IDE: variants seen among roughly 807,000 people sequenced by gnomAD.
The protein encoded by IDE is insulin-degrading enzyme.
IDE carries 58 observed loss-of-function variants against 133.2 expected under a neutral mutation model. The observed-to-expected ratio is 0.44, with a 90% CI of 0.35 to 0.54. IDE has a LOEUF of 0.54. Among genes scored for constraint, IDE ranks in the 20% least tolerant of loss-of-function variants. The pLI is 0.00. For synonymous variants in IDE, 396 were observed against 421.3 expected, an observed-to-expected ratio of 0.94 and a Z score of 0.73; for missense variants, 981 against 1,234.0, an observed-to-expected ratio of 0.79 and a Z score of 3.07.
intron 17 of IDE, among the ~76,000 whole-genome samples, chr10:92,473,722 T>C (rs1291361437): frequency 1.3e-5 from 2 of 152,084 alleles, no homozygotes; most frequent in East Asian, 3.9e-4. Context: ...GGCTCATGCC[T>C]GTAATCCCAG....
chr10:92,550,564 T>C (rs1842731363), intron 1 of IDE, among the ~76,000 whole-genome samples: 1 of 146,444 alleles, frequency 6.8e-6, no homozygotes, highest in Non-Finnish European at 1.5e-5. Context: ...GACAGGAGAA[T>C]GGTGTGAACC....
chr10:92,485,143 T>G (rs76470720), intron 13 of IDE, among the ~76,000 whole-genome samples: 1 of 146,238 alleles, frequency 6.8e-6, no homozygotes, highest in African/African-American at 2.5e-5. Context: ...TTTTTTTTTT[T>G]TGTGACAGAG....
At chr10:92,533,408 C>A (rs1850050634) in intron 3 of IDE, among the ~76,000 whole-genome samples, 1 of 152,122 alleles carries the variant, frequency 6.6e-6, no homozygotes, top group African/African-American at 2.4e-5. Context: ...TGGCCCAGCA[C>A]ATCTCATAAA....
chr10:92,469,897 C>A (rs1365841847), intron 18 of IDE, among the ~76,000 whole-genome samples: 1 of 152,126 alleles, frequency 6.6e-6, no homozygotes, highest in Admixed American at 6.6e-5. Context: ...GATTACAGAT[C>A]TAGTATATAG....
intron 14 of IDE, among the ~76,000 whole-genome samples, chr10:92,480,001 C>T (rs1200617016): frequency 6.6e-6 from 1 of 152,096 alleles, no homozygotes; most frequent in Non-Finnish European, 1.5e-5. Flanking sequence ...TTGATAATTT[C>T]TATCATATAA....
intron 5 of IDE, among the ~76,000 whole-genome samples, chr10:92,513,656 T>C (rs1418292936): frequency 1.3e-5 from 2 of 149,580 alleles, no homozygotes; most frequent in African/African-American, 4.9e-5. Context: ...AATATACATA[T>C]ATTAATTAAA....
intron 19 of IDE, among the ~76,000 whole-genome samples, chr10:92,466,328 T>C (rs1190652381): frequency 6.6e-6 from 1 of 152,054 alleles, no homozygotes; most frequent in Non-Finnish European, 1.5e-5. Flanking sequence ...TTTGTACTTT[T>C]TTTTTTGAGA....
chr10:92,506,186 C>T (rs968355951), intron 10 of IDE, among the ~76,000 whole-genome samples: 1 of 152,060 alleles, frequency 6.6e-6, no homozygotes, highest in African/African-American at 2.4e-5. Context: ...ACCTGATATG[C>T]TGTAGAACTG....
chr10:92,508,849 G>C lies in IDE; in HGVS notation c.939C>G (p.Leu313=). 1 of 1,612,354 alleles carries C rather than the reference G, an allele frequency of 6.2e-7. No individual in the cohort carries two copies. The highest frequency in any genetic ancestry group is 8.5e-7 in the Non-Finnish European group (1 of 1,178,338). The change falls in exon 7 of 25, where the codon CTC becomes CTG. Residue 313 remains leucine (L), a synonymous_variant. Coordinates refer to ENST00000265986, the MANE Select transcript of IDE (RefSeq NM_004969.4). ...GGTCAGGTATGGGAAATGTCACATA[G>C]AGATTCCTAATATCTTTAATGGGTA... The part of the protein sequence containing the change: ...KIVPIKDIRN[L]YVTFPIPDLQ...
At chr10:92,532,044 T>G (rs1849954492) in intron 3 of IDE, 127 bp from the exon 4 acceptor site, 1 of 544,858 alleles carries the variant, frequency 1.8e-6, no homozygotes, top group Admixed American at 3.7e-5. Context: ...AAACTACCAT[T>G]GCTACTAAGA....
intron 1 of IDE, among the ~76,000 whole-genome samples, chr10:92,557,467 C>T (rs1843066126): frequency 1.3e-5 from 2 of 151,884 alleles, no homozygotes; most frequent in South Asian, 4.2e-4. Context: ...ACCTGAGAGG[C>T]GGAGCTTGCA....
At chr10:92,573,897 G>C in intron 1 of IDE, 25 bp downstream of exon 1, 1 of 1,429,376 alleles carries the variant, frequency 7.0e-7, no homozygotes, top group Non-Finnish European at 9.2e-7. Context: ...GGGGCCCGAG[G>C]GCCCGGGCGC....
chr10:92,457,942 C>T (rs1167895790), intron 22 of IDE, among the ~76,000 whole-genome samples: 1 of 152,186 alleles, frequency 6.6e-6, no homozygotes, highest in African/African-American at 2.4e-5. Flanking sequence ...CCTCTATTAA[C>T]ATGTAGTACC....
At position 92,529,309 on chromosome 10, in the gene IDE, C is replaced by T. The variant is rs77151402; in HGVS notation, c.661+2439G>A. ...ATGTACCTGTGACCTTAAAAATACA[C>T]AGAACTTCTACTCCAAAAAATTCAA... On this transcript the variant is annotated intron_variant, in intron 4 of 24. Coordinates refer to ENST00000265986, the MANE Select transcript of IDE (RefSeq NM_004969.4). Among the ~76,000 whole-genome samples, 1,154 of 152,264 alleles carry T rather than the reference C, an allele frequency of 7.6e-3. 15 individuals are homozygous for T. Among genetic ancestry groups the T allele is most frequent in the African/African-American group, 0.026 (1,101 of 41,554 alleles).
intron 4 of IDE, among the ~76,000 whole-genome samples, chr10:92,523,956 A>G (rs1479853676): frequency 6.6e-6 from 1 of 152,052 alleles, no homozygotes; most frequent in African/African-American, 2.4e-5. Flanking sequence ...TCCTTTTACT[A>G]TTCTAAACCT....
At chr10:92,517,906 ACT>A (rs1157554959) in intron 4 of IDE, among the ~76,000 whole-genome samples, 4 of 152,026 alleles carry the variant, frequency 2.6e-5, no homozygotes, top group African/African-American at 9.7e-5. Flanking sequence ...ACAGAGTGAG[ACT>A]CTGTCTGATT....
chr10:92,517,719 T>C (rs1017407902), intron 4 of IDE, among the ~76,000 whole-genome samples: 4 of 152,132 alleles, frequency 2.6e-5, no homozygotes, highest in Admixed American at 6.5e-5. Flanking sequence ...TCCCAGCACT[T>C]TGGGAGGCCA....
chr10:92,526,395 T>C (rs964604093), intron 4 of IDE, among the ~76,000 whole-genome samples: 4 of 152,114 alleles, frequency 2.6e-5, no homozygotes, highest in Non-Finnish European at 5.9e-5. Flanking sequence ...CTATATGGAA[T>C]CAAGACAAGG....
intron 1 of IDE, among the ~76,000 whole-genome samples, chr10:92,551,831 T>C (rs1163950663): frequency 6.6e-6 from 1 of 151,698 alleles, no homozygotes; most frequent in Admixed American, 6.6e-5. Flanking sequence ...CACCGAACAA[T>C]ACACTTAAAA....
Sources: allele counts gnomAD v4.1 joint callset (sites outside exome capture counted in the v4.1 genomes callset), GRCh38; gene constraint gnomAD v4.1.1; transcripts MANE v1.5; gene names NCBI Gene and HGNC (gene_info 2026-07-23, HGNC 2026-07-21).